SSBP2: variants seen among roughly 807,000 people sequenced by gnomAD.
SSBP2 encodes single-stranded DNA-binding protein 2.
Under a neutral mutation model 61.8 loss-of-function variants are expected in SSBP2, and 17 were observed. That is an observed-to-expected ratio of 0.28 (90% CI 0.19 to 0.41). The LOEUF is 0.41. Ranked by LOEUF, SSBP2 falls within the 10% of genes least tolerant of loss-of-function variation. The pLI, the probability that SSBP2 is intolerant of heterozygous loss-of-function variation, is 1.00. For synonymous variants in SSBP2, 139 were observed against 141.3 expected (o/e 0.98, Z 0.12); for missense variants, 310 against 458.7 (o/e 0.68, Z 2.96).
intron 1 of SSBP2, among the ~76,000 whole-genome samples, chr5:81,701,470 G>T (rs955732563): frequency 2.0e-5 from 3 of 152,170 alleles, no homozygotes; most frequent in East Asian, 3.8e-4. Context: ...AATACCAACA[G>T]ACTTGCTCTA....
At chr5:81,539,672 TCAAGG>T (rs1293313455) in intron 4 of SSBP2, among the ~76,000 whole-genome samples, 2 of 152,170 alleles carry the variant, frequency 1.3e-5, no homozygotes, top group Admixed American at 6.5e-5. Flanking sequence ...GCCATCAATA[TCAAGG>T]CAAGACCTTC....
At chr5:81,562,166 A>C (rs1035857043) in intron 4 of SSBP2, among the ~76,000 whole-genome samples, 5 of 152,068 alleles carry the variant, frequency 3.3e-5, no homozygotes, top group African/African-American at 4.8e-5. Context: ...TCGGCCTCCC[A>C]AAGTGCTGGG....
At chr5:81,653,128 T>C (rs1242216743) in intron 1 of SSBP2, among the ~76,000 whole-genome samples, 1 of 152,040 alleles carries the variant, frequency 6.6e-6, no homozygotes, top group Non-Finnish European at 1.5e-5. Context: ...CCCCAGTGTG[T>C]GATGTTCCCC....
At chr5:81,676,382 C>CG (rs1751984347) in intron 1 of SSBP2, among the ~76,000 whole-genome samples, 1 of 152,114 alleles carries the variant, frequency 6.6e-6, no homozygotes, top group South Asian at 2.1e-4. Flanking sequence ...TCCCCATCAT[C>CG]GGTAGACCTT....
chr5:81,417,685 A>G lies in SSBP2; in HGVS notation c.*2819T>C, dbSNP rs1761370149. 1 of 152,226 alleles carries G rather than the reference A, an allele frequency of 6.6e-6. No individual in the cohort carries two copies. Among genetic ancestry groups the G allele is most frequent in the Non-Finnish European group, 1.5e-5 (1 of 68,036 alleles). The allele number at this position is 152,226 out of a possible 1,614,324, so 9.4% of individuals were successfully genotyped here. ...TAAACAAAAATTAATATACAGATAT[A>G]CTGTCTTCCATTCAGTGCATGAAAG... is the stretch of plus-strand genomic sequence containing the variant. On this transcript the variant is annotated 3_prime_UTR_variant, in exon 17 of 17. Coordinates refer to ENST00000320672, the MANE Select transcript of SSBP2 (RefSeq NM_012446.5).
intron 1 of SSBP2, among the ~76,000 whole-genome samples, chr5:81,750,239 G>A (rs865894503): frequency 7.5e-3 from 500 of 66,870 alleles, no homozygotes; most frequent in Admixed American, 0.02. Context: ...GCGCCCACCC[G>A]CCCCCGCCCC....
intron 1 of SSBP2, among the ~76,000 whole-genome samples, chr5:81,710,209 TA>T (rs1292577671): frequency 6.6e-6 from 1 of 152,046 alleles, no homozygotes; most frequent in Non-Finnish European, 1.5e-5. Flanking sequence ...ATAATGGGTG[TA>T]AAGGGTAAAT....
intron 4 of SSBP2, among the ~76,000 whole-genome samples, chr5:81,542,817 T>TTCTC (rs60252222): frequency 0.071 from 7,553 of 106,568 alleles, 322 homozygotes; most frequent in East Asian, 0.11. Flanking sequence ...ATTTGACAGT[T>TTCTC]TCTCTCTCTC....
intron 1 of SSBP2, among the ~76,000 whole-genome samples, chr5:81,742,758 C>T (rs1190592054): frequency 6.6e-6 from 1 of 152,076 alleles, no homozygotes; most frequent in South Asian, 2.1e-4. Context: ...TGCCTGTAAT[C>T]CCAGCTACTA....
At chr5:81,748,534 C>T (rs912010884) in intron 1 of SSBP2, among the ~76,000 whole-genome samples, 2 of 152,108 alleles carry the variant, frequency 1.3e-5, no homozygotes, top group Non-Finnish European at 2.9e-5. Flanking sequence ...ACAGAACCTA[C>T]GTCGATGTTT....
chr5:81,699,579 G>C (rs1753822001), intron 1 of SSBP2, among the ~76,000 whole-genome samples: 2 of 152,010 alleles, frequency 1.3e-5, no homozygotes, highest in South Asian at 4.1e-4. Context: ...ACATCTTCAG[G>C]CTCCACTTCT....
intron 4 of SSBP2, among the ~76,000 whole-genome samples, chr5:81,595,362 C>CA (rs1279716266): frequency 6.6e-6 from 1 of 152,002 alleles, no homozygotes; most frequent in African/African-American, 2.4e-5. Flanking sequence ...GCTTACTAAC[C>CA]AAAAAAACTC....
intron 4 of SSBP2, among the ~76,000 whole-genome samples, chr5:81,579,035 G>C (rs1003641031): frequency 7.9e-5 from 12 of 151,968 alleles, no homozygotes; most frequent in African/African-American, 2.2e-4. Context: ...TTTTTGAGTA[G>C]AGCTTGATAA....
chr5:81,749,244 A>G lies in SSBP2; in HGVS notation c.62+1737T>C, dbSNP rs138559743. ...TTTATATACTACTTGTCACAGCAAC[A>G]AGATCCTGAATGCAGCTCAGAAAAT... On this transcript the variant is annotated intron_variant, in intron 1 of 16. Transcript: ENST00000320672. Among the ~76,000 whole-genome samples the G allele has an allele frequency of 2.2e-3, 336 of 152,334 alleles. 2 individuals carry two copies. Among genetic ancestry groups the G allele is most frequent in the African/African-American group, 7.6e-3 (318 of 41,576 alleles).
chr5:81,621,970 G>T (rs1003318756), intron 3 of SSBP2, among the ~76,000 whole-genome samples: 2 of 114,822 alleles, frequency 1.7e-5, no homozygotes, highest in African/African-American at 6.5e-5. Flanking sequence ...GTCGGGGGAG[G>T]GGGGAGGGAT....
chr5:81,586,616 C>G (rs1242482860), intron 4 of SSBP2, among the ~76,000 whole-genome samples: 3 of 127,292 alleles, frequency 2.4e-5, no homozygotes, highest in Non-Finnish European at 4.8e-5. Flanking sequence ...CAGAGTCTAA[C>G]TGCAGTATGC....
rs868087319 is a variant in SSBP2 at position 81,737,599 on chromosome 5, G to A, written c.62+13382C>T. 2.0e-5 allele frequency among the ~76,000 whole-genome samples: 3 copies of A among 149,492 alleles called. No individual in the cohort carries two copies. In the Admixed American group the frequency reaches 2.0e-4, roughly 10 times the overall value. On this transcript the variant is annotated intron_variant, in intron 1 of 16. Transcript: ENST00000320672. ...AGACTGAGACCATACTGGCTAACAC[G>A]GTGAAACCCCGTCTCTACTAAAAAT...
At chr5:81,534,605 G>A (rs1335633236) in intron 4 of SSBP2, among the ~76,000 whole-genome samples, 1 of 152,066 alleles carries the variant, frequency 6.6e-6, no homozygotes, top group East Asian at 1.9e-4. Flanking sequence ...GACGAGACAT[G>A]ACTGAAGAAA....
At chr5:81,657,748 T>C (rs1750348606) in intron 1 of SSBP2, among the ~76,000 whole-genome samples, 1 of 152,184 alleles carries the variant, frequency 6.6e-6, no homozygotes, top group African/African-American at 2.4e-5. Flanking sequence ...ATATCGAAGG[T>C]ATTCAGCTAT....
Sources: allele counts gnomAD v4.1 joint callset (sites outside exome capture counted in the v4.1 genomes callset), GRCh38; gene constraint gnomAD v4.1.1; transcripts MANE v1.5; gene names NCBI Gene and HGNC (gene_info 2026-07-23, HGNC 2026-07-21).